The following GPC5 variants were observed in gnomAD, a reference collection of about 807,000 sequenced individuals.
GPC5 encodes the protein glypican 5, also known as glypican-5.
In GPC5, 47 loss-of-function variants were observed where a neutral mutation model predicts 53.9. That is an observed-to-expected ratio of 0.87 (90% CI 0.69 to 1.11). The LOEUF is 1.11. Among genes scored for constraint, GPC5 ranks in the 50% most tolerant of loss-of-function variants. The pLI is 0.00. For synonymous variants in GPC5, 286 were observed against 263.3 expected, an observed-to-expected ratio of 1.09 and a Z score of -0.84; for missense variants, 748 against 713.1, an observed-to-expected ratio of 1.05 and a Z score of -0.56.
intron 5 of GPC5, among the ~76,000 whole-genome samples, chr13:91,878,377 G>T (rs1020261860): frequency 2.0e-5 from 3 of 152,140 alleles, no homozygotes; most frequent in Non-Finnish European, 4.4e-5. Context: ...CAAAATAGTA[G>T]TAAGTAGTAT....
chr13:92,243,654 G>A (rs978706905), intron 7 of GPC5, among the ~76,000 whole-genome samples: 2 of 151,750 alleles, frequency 1.3e-5, no homozygotes, highest in African/African-American at 4.8e-5. Context: ...TGATAGGTGT[G>A]ATAGGAAATT....
intron 2 of GPC5, among the ~76,000 whole-genome samples, chr13:91,675,923 C>T (rs1206265335): frequency 3.9e-5 from 6 of 152,048 alleles, no homozygotes; most frequent in South Asian, 2.1e-4. Context: ...CAGGGTGGTT[C>T]GACTTTTAGA....
chr13:91,537,107 T>A (rs1886627189), intron 2 of GPC5, among the ~76,000 whole-genome samples: 1 of 152,016 alleles, frequency 6.6e-6, no homozygotes, highest in African/African-American at 2.4e-5. Flanking sequence ...AAAAAAGGTT[T>A]CAGATCAATA....
chr13:92,314,901 A>C (rs2043168329), intron 7 of GPC5, among the ~76,000 whole-genome samples: 1 of 152,088 alleles, frequency 6.6e-6, no homozygotes, highest in African/African-American at 2.4e-5. Flanking sequence ...CACCCTACTG[A>C]GTAGCTGAGA....
At chr13:92,703,431 CT>C (rs1887829454) in intron 7 of GPC5, among the ~76,000 whole-genome samples, 1 of 151,440 alleles carries the variant, frequency 6.6e-6, no homozygotes, top group African/African-American at 2.4e-5. Flanking sequence ...ATAAACACCT[CT>C]CTGGAAAAGC....
chr13:91,421,953 G>T (rs1878666373), intron 1 of GPC5, among the ~76,000 whole-genome samples: 1 of 152,178 alleles, frequency 6.6e-6, no homozygotes, highest in Non-Finnish European at 1.5e-5. Flanking sequence ...GTACTAGCTG[G>T]AGAAGGAAGC....
intron 7 of GPC5, among the ~76,000 whole-genome samples, chr13:92,808,996 A>G (rs1877200417): frequency 6.6e-6 from 1 of 152,130 alleles, no homozygotes; most frequent in South Asian, 2.1e-4. Flanking sequence ...TATTATGATT[A>G]CACATTAATA....
chr13:91,753,159 T>A (rs2140115948), intron 4 of GPC5, among the ~76,000 whole-genome samples: 1 of 152,342 alleles, frequency 6.6e-6, no homozygotes, highest in African/African-American at 2.4e-5. Flanking sequence ...CTGAATATTT[T>A]ATTCTGGACC....
intron 6 of GPC5, among the ~76,000 whole-genome samples, chr13:92,120,610 C>T (rs1292089699): frequency 6.6e-6 from 1 of 152,094 alleles, no homozygotes; most frequent in South Asian, 2.1e-4. Context: ...CTTTTATGTA[C>T]AAAAATGTGT....
chr13:91,727,742 C>T (rs772586393), intron 3 of GPC5, among the ~76,000 whole-genome samples: 10 of 151,982 alleles, frequency 6.6e-5, no homozygotes, highest in Non-Finnish European at 1.0e-4. Context: ...AAATTAGGAC[C>T]AGAACCAGAG....
At chr13:91,744,661 G>A (rs1290577696) in intron 4 of GPC5, among the ~76,000 whole-genome samples, 2 of 152,074 alleles carry the variant, frequency 1.3e-5, no homozygotes, top group East Asian at 1.9e-4. Context: ...TTATTAAAGG[G>A]CAAGTATTTT....
At chr13:92,389,504 C>T (rs1388739491) in intron 7 of GPC5, among the ~76,000 whole-genome samples, 3 of 152,130 alleles carry the variant, frequency 2.0e-5, no homozygotes, top group Non-Finnish European at 2.9e-5. Context: ...CATTCTAGCT[C>T]TCTTTGGAAT....
chr13:92,694,544 G>T (rs943192667), intron 7 of GPC5, among the ~76,000 whole-genome samples: 2 of 152,150 alleles, frequency 1.3e-5, no homozygotes, highest in African/African-American at 4.8e-5. Context: ...TCTGTATTTT[G>T]GATTTGCATG....
chr13:92,106,167 G>A (rs565878785), intron 6 of GPC5, among the ~76,000 whole-genome samples: 109 of 151,970 alleles, frequency 7.2e-4, no homozygotes, highest in African/African-American at 2.6e-3. Context: ...TTTAAATTTA[G>A]AAGATAATGA....
At chr13:92,709,082 T>C (rs964857103) in intron 7 of GPC5, among the ~76,000 whole-genome samples, 8 of 150,742 alleles carry the variant, frequency 5.3e-5, no homozygotes, top group African/African-American at 1.7e-4. Context: ...TGTTTCGCTC[T>C]TGTTGCCCAG....
intron 2 of GPC5, among the ~76,000 whole-genome samples, chr13:91,582,519 T>C (rs1294287756): frequency 6.6e-6 from 1 of 151,950 alleles, no homozygotes; most frequent in Non-Finnish European, 1.5e-5. Flanking sequence ...TTCCAGACAA[T>C]GGAAATATCA....
At chr13:91,772,899 C>A (rs1177312228) in intron 5 of GPC5, among the ~76,000 whole-genome samples, 1 of 151,930 alleles carries the variant, frequency 6.6e-6, no homozygotes, top group African/African-American at 2.4e-5. Context: ...CTGCCTTTGG[C>A]CATCACAATT....
chr13:92,298,447 G>A (rs1041397005), intron 7 of GPC5, among the ~76,000 whole-genome samples: 3 of 152,122 alleles, frequency 2.0e-5, no homozygotes, highest in African/African-American at 7.2e-5. Context: ...ACCCCTGTGA[G>A]GCCAGGCAAA....
chr13:91,636,759 A>C (rs1049496234), intron 2 of GPC5, among the ~76,000 whole-genome samples: 2 of 152,188 alleles, frequency 1.3e-5, no homozygotes, highest in East Asian at 3.9e-4. Context: ...GTTGGAGACC[A>C]TCCTGGACAA....
Sources: gnomAD v4.1 joint callset for allele counts (sites outside exome capture counted in the v4.1 genomes callset) on GRCh38, gnomAD v4.1.1 for gene constraint, MANE v1.5 for transcripts, NCBI Gene and HGNC (gene_info 2026-07-23, HGNC 2026-07-21) for gene names.